The following NDUFAB1 variants were observed in gnomAD, a reference collection of about 807,000 sequenced individuals.
NDUFAB1 encodes acyl carrier protein, mitochondrial.
A neutral mutation model predicts 16.1 loss-of-function variants in NDUFAB1; 5 were observed. The observed-to-expected ratio is 0.31, with a 90% CI of 0.16 to 0.65. The LOEUF (loss-of-function observed/expected upper bound fraction) is 0.65. NDUFAB1 is among the 30% of genes least tolerant of loss of function. The pLI, the probability that NDUFAB1 is intolerant of heterozygous loss-of-function variation, is 0.77. For missense variants in NDUFAB1, 187 were observed against 205.3 expected, an observed-to-expected ratio of 0.91 and a Z score of 0.54; for synonymous variants, 85 against 78.4, an observed-to-expected ratio of 1.08 and a Z score of -0.44.
intron 1 of NDUFAB1, among the ~76,000 whole-genome samples, chr16:23,589,942 GAAAAAAAAA>G (rs57098255): frequency 1.4e-5 from 1 of 70,502 alleles, no homozygotes; most frequent in African/African-American, 4.5e-5. Context: ...TCTCCAAAAA[GAAAAAAAAA>G]AAAAAAAAAA....
chr16:23,584,609 A>T lies in NDUFAB1; in HGVS notation c.379+727T>A, dbSNP rs550026142. 2.0e-5 allele frequency among the ~76,000 whole-genome samples: 3 copies of T among 152,110 alleles called. No individual in the cohort carries two copies. In the East Asian group the frequency reaches 5.8e-4, roughly 29 times the overall value. On this transcript the variant is annotated intron_variant, in intron 3 of 4. Coordinates refer to ENST00000007516, the MANE Select transcript of NDUFAB1 (RefSeq NM_005003.3). ...TTCCAATCCTGGGGTTCCTACTATT[A>T]TCACCCCCACTTTACAGCTGAGGAA...
chr16:23,596,155 C>A lies in NDUFAB1; in HGVS notation c.136G>T (p.Gly46Trp). 1 of 1,610,404 alleles carries A rather than the reference C, an allele frequency of 6.2e-7. No homozygotes were observed. The highest frequency in any genetic ancestry group is 8.5e-7 in the Non-Finnish European group (1 of 1,178,682). Residue 46 changes from glycine to tryptophan, a missense_variant, in exon 1 of 5, where the codon GGG (glycine) becomes TGG (tryptophan). Gly to Trp is a radical substitution (Grantham distance 184). This residue lies in a region of NDUFAB1 where 135 missense variants were observed against 129.4 expected (regional missense o/e 1.04). Coordinates refer to ENST00000007516, the MANE Select transcript of NDUFAB1 (RefSeq NM_005003.3). ...AGCACTAAGGCCGGCTGCAAAGTCCCGAGCCTCGTCTGGGTCCCCGCGGAG... is the reference window on the plus strand; with the variant it reads ...AGCACTAAGGCCGGCTGCAAAGTCCAGAGCCTCGTCTGGGTCCCCGCGGAG... ...LCSAGTQTRL[G>W]TLQPALVLAQ... is the part of the protein sequence containing the mutation.
chr16:23,586,503 T>C (rs1966234555), intron 2 of NDUFAB1, among the ~76,000 whole-genome samples: 1 of 150,850 alleles, frequency 6.6e-6, no homozygotes, highest in South Asian at 2.1e-4. Flanking sequence ...CCTGTCTAAT[T>C]TGTGTATTTT....
rs1567408277 is a variant in NDUFAB1 at position 23,587,251 on chromosome 16, G to C, written c.237C>G (p.Ile79Met). Residue 79 changes from isoleucine to methionine, a missense_variant, in exon 2 of 5, where the codon ATC (isoleucine) becomes ATG (methionine). This residue lies in a region of NDUFAB1 where 135 missense variants were observed against 129.4 expected (regional missense o/e 1.04). Coordinates refer to ENST00000007516, the MANE Select transcript of NDUFAB1 (RefSeq NM_005003.3). ...SDMPPLTLEG[I>M]QDRVLYVLKL... ...TCAATACGTAAAGAACACGGTCCTG[G>C]ATGCCCTCTAACGTCAAAGGAGGCA... The C allele has an allele frequency of 1.2e-6, 2 of 1,613,950 alleles. No individual in the cohort carries two copies. Among genetic ancestry groups the C allele is most frequent in the Non-Finnish European group, 1.7e-6 (2 of 1,179,974 alleles).
At chr16:23,590,256 C>CTGCA (rs1460708931) in intron 1 of NDUFAB1, among the ~76,000 whole-genome samples, 1 of 152,194 alleles carries the variant, frequency 6.6e-6, no homozygotes, top group African/African-American at 2.4e-5. Flanking sequence ...AGAGTGGGTG[C>CTGCA]TGCATCAGGA....
chr16:23,591,015 G>C (rs1189848337), intron 1 of NDUFAB1: 2 of 152,026 alleles, frequency 1.3e-5, no homozygotes, highest in African/African-American at 4.8e-5. Context: ...CCAGTATTCT[G>C]GTGAGATCCA....
intron 1 of NDUFAB1, among the ~76,000 whole-genome samples, chr16:23,593,670 C>G (rs1284316299): frequency 6.6e-6 from 1 of 152,162 alleles, no homozygotes; most frequent in East Asian, 1.9e-4. Context: ...GGTGGAAACT[C>G]TCTGGCCCCT....
At chr16:23,591,190 A>C (rs1374235005) in intron 1 of NDUFAB1, 2 of 152,056 alleles carry the variant, frequency 1.3e-5, no homozygotes, top group African/African-American at 4.8e-5. Context: ...CAAAATGGAC[A>C]AGCACCTCCC....
In NDUFAB1 at chr16:23,596,249, G is replaced by A. The variant is rs769794674; in HGVS notation, c.42C>T (p.Pro14=). The stretch of plus-strand genomic sequence containing the variant: ...CCCGGGGCAGCGGCGCAAAGGCCGC[G>A]GGCAGGCGGCTGACATAGGCTGAAA... ...RVLSAYVSRL[P]AAFAPLPRVR... Residue 14 remains proline, a synonymous_variant, in exon 1 of 5, where the codon CCC becomes CCT. Coordinates refer to ENST00000007516, the MANE Select transcript of NDUFAB1 (RefSeq NM_005003.3). The A allele has an allele frequency of 7.5e-6, 12 of 1,599,838 alleles. No homozygotes were observed. The highest frequency in any genetic ancestry group is 1.1e-5 in the South Asian group (1 of 89,496).
intron 1 of NDUFAB1, among the ~76,000 whole-genome samples, chr16:23,595,256 G>C (rs998914198): frequency 2.0e-5 from 3 of 152,088 alleles, no homozygotes; most frequent in African/African-American, 7.2e-5. Context: ...GTGACAGAGC[G>C]AGACTCTGTC....
At chr16:23,587,119 A>C in intron 2 of NDUFAB1, 78 bp downstream of exon 2, 1 of 1,433,308 alleles carries the variant, frequency 7.0e-7, no homozygotes, top group Non-Finnish European at 9.6e-7. Flanking sequence ...TTTACTGAGT[A>C]TCTTTCCCTT....
At chr16:23,593,144 C>T (rs1966294274) in intron 1 of NDUFAB1, among the ~76,000 whole-genome samples, 1 of 152,072 alleles carries the variant, frequency 6.6e-6, no homozygotes, top group African/African-American at 2.4e-5. Context: ...AGAAGACAGA[C>T]ATCAAAAAAT....
intron 4 of NDUFAB1, 194 bp downstream of exon 4, chr16:23,582,082 C>T (rs1457074476): frequency 2.0e-6 from 1 of 497,476 alleles, no homozygotes; most frequent in Non-Finnish European, 3.3e-6. Context: ...CCAGGAATGA[C>T]AGTTCTCAAC....
At chr16:23,595,722 G>A (rs1370922964) in intron 1 of NDUFAB1, 2 of 460,160 alleles carry the variant, frequency 4.3e-6, no homozygotes, top group East Asian at 1.3e-4. Context: ...CTCTTTGCAT[G>A]CTGCTTTCAC....
In NDUFAB1 at chr16:23,591,029, T is replaced by C. The variant is rs114136419; in HGVS notation, c.169-3710A>G. The C allele has an allele frequency of 7.2e-4, 110 of 152,278 alleles. 1 individual carries two copies. Among genetic ancestry groups the C allele is most frequent in the African/African-American group, 2.6e-3 (107 of 41,560 alleles). The allele number at this position is 152,278 out of a possible 1,614,324, so 9.4% of individuals were successfully genotyped here. A position where few individuals can be genotyped will look rare whatever the true frequency, so the allele number is the denominator to read the frequency against. ...TCCAGTATTCTGGTGAGATCCATGA[T>C]ACTATCACCCTCCTTTTTACAGATG... On this transcript the variant is annotated intron_variant, in intron 1 of 4. Coordinates refer to ENST00000007516, the MANE Select transcript of NDUFAB1 (RefSeq NM_005003.3).
intron 1 of NDUFAB1, among the ~76,000 whole-genome samples, chr16:23,591,816 T>C (rs1171345377): frequency 3.3e-5 from 5 of 152,152 alleles, no homozygotes; most frequent in Admixed American, 3.3e-4. Context: ...TGGTCAAGTA[T>C]CTCTTTTTGC....
At chr16:23,582,569 T>A (rs1481214680) in intron 3 of NDUFAB1, among the ~76,000 whole-genome samples, 194 bp from the exon 4 acceptor site, 1 of 127,062 alleles carries the variant, frequency 7.9e-6, no homozygotes, top group Non-Finnish European at 1.9e-5. Flanking sequence ...GGAGGTATGT[T>A]TGTTTGTTTG....
chr16:23,589,317 C>G (rs1172654678), intron 1 of NDUFAB1, among the ~76,000 whole-genome samples: 1 of 150,208 alleles, frequency 6.7e-6, no homozygotes, highest in Non-Finnish European at 1.5e-5. Context: ...AAAAAAAAAT[C>G]AGGTTTAATC....
At chr16:23,590,078 A>C (rs924292379) in intron 1 of NDUFAB1, among the ~76,000 whole-genome samples, 4 of 152,198 alleles carry the variant, frequency 2.6e-5, no homozygotes, top group Non-Finnish European at 2.9e-5. Context: ...TGGGCAACAA[A>C]GCAAGACCCC....
Sources: gnomAD v4.1 joint callset for allele counts (sites outside exome capture counted in the v4.1 genomes callset) on GRCh38, gnomAD v4.1.1 for gene constraint, gnomAD v4.1.1 regional missense constraint, MANE v1.5 for transcripts, NCBI Gene and HGNC (gene_info 2026-07-23, HGNC 2026-07-21) for gene names.